JAKMIP2: variants seen among roughly 807,000 people sequenced by gnomAD.
JAKMIP2 encodes the protein janus kinase and microtubule-interacting protein 2.
JAKMIP2 carries 25 observed loss-of-function variants against 115.0 expected under a neutral mutation model. The ratio of observed to expected loss-of-function variants is 0.22; its 90% CI spans 0.16 to 0.30. JAKMIP2 has a LOEUF of 0.30. Among genes scored for constraint, JAKMIP2 ranks in the 10% least tolerant of loss-of-function variants. The probability of loss-of-function intolerance (pLI) is 1.00; values close to 1 mark genes in which losing one functional copy is unlikely to be tolerated. For synonymous variants in JAKMIP2, 334 were observed against 343.6 expected (o/e 0.97, Z 0.31); for missense variants, 642 against 957.6 (o/e 0.67, Z 4.35).
At chr5:147,699,138 G>A (rs1752226601) in intron 1 of JAKMIP2, among the ~76,000 whole-genome samples, 1 of 152,112 alleles carries the variant, frequency 6.6e-6, no homozygotes, top group South Asian at 2.1e-4. Context: ...CATACAGTAG[G>A]AAAAACACTA....
chr5:147,617,506 C>T (rs1194027818), intron 19 of JAKMIP2, among the ~76,000 whole-genome samples: 1 of 152,120 alleles, frequency 6.6e-6, no homozygotes, highest in Admixed American at 6.5e-5. Flanking sequence ...GTGAACGGTC[C>T]TTGCTCTCTT....
rs780489068 is a variant in JAKMIP2, at chr5:147,644,088, C to T, written c.1194G>A (p.Glu398=). Residue 398 remains glutamate (E), a synonymous_variant, in exon 7 of 22, where the codon GAG becomes GAA. Coordinates refer to ENST00000616793, the MANE Select transcript of JAKMIP2 (RefSeq NM_001270941.2). The part of the protein sequence containing the change: ...ETEFLKLQVI[E]QQNIIDELTR... ...TGAGCTCATCAATAATGTTCTGTTGCTCAATGACCTGAAGTTTTAGAAACT... is the reference window on the plus strand; with the variant it reads ...TGAGCTCATCAATAATGTTCTGTTGTTCAATGACCTGAAGTTTTAGAAACT... The T allele has an allele frequency of 3.1e-6, 5 of 1,606,312 alleles. No individual in the cohort carries two copies. The highest frequency in any genetic ancestry group is 4.3e-6 in the Non-Finnish European group (5 of 1,174,730).
In JAKMIP2 at chr5:147,591,012, C is replaced by T. The variant is rs1755076452; in HGVS notation, c.*695G>A. 1 of 152,692 alleles carries T rather than the reference C, an allele frequency of 6.5e-6. No individual in the cohort carries two copies. The highest frequency in any genetic ancestry group is 1.9e-4 in the East Asian group (1 of 5,182). 9.5% of individuals were successfully genotyped at this position (152,692 alleles called of 1,614,324 possible). A position where few individuals can be genotyped will look rare whatever the true frequency, so the allele number is the denominator to read the frequency against. On this transcript the variant is annotated 3_prime_UTR_variant, in exon 22 of 22. Transcript: ENST00000616793. The stretch of plus-strand genomic sequence containing the variant: ...CATCTGTCGTCTGTGGAATGAATTC[C>T]ACAAGCTCCACCTTTTGCAGAAAAA...
intron 1 of JAKMIP2, among the ~76,000 whole-genome samples, chr5:147,744,830 T>C (rs1754291410): frequency 6.6e-6 from 1 of 151,994 alleles, no homozygotes; most frequent in East Asian, 1.9e-4. Flanking sequence ...GAGGCCAAGG[T>C]GGGCAGATCA....
At chr5:147,676,655 A>G (rs1273436643) in intron 1 of JAKMIP2, among the ~76,000 whole-genome samples, 1 of 152,158 alleles carries the variant, frequency 6.6e-6, no homozygotes, top group African/African-American at 2.4e-5. Context: ...CACTATCCCT[A>G]ATCAGGCACC....
intron 1 of JAKMIP2, among the ~76,000 whole-genome samples, chr5:147,764,932 G>GAAAGAAAGAAAGAAAGAAAGAAA (rs1212179194): frequency 5.2e-5 from 4 of 77,628 alleles, no homozygotes; most frequent in African/African-American, 7.8e-5. Flanking sequence ...GAGAGAGAGA[G>GAAAGAAAGAAAGAAAGAAAGAAA]AGAGAGAGAG....
At chr5:147,666,118 CA>C (rs1759286754) in intron 2 of JAKMIP2, among the ~76,000 whole-genome samples, 2 of 152,050 alleles carry the variant, frequency 1.3e-5, no homozygotes, top group Admixed American at 6.5e-5. Context: ...TGAAAACTGA[CA>C]TTTTTTTGCA....
At position 147,591,596 on chromosome 5, in the gene JAKMIP2, A is replaced by T; in HGVS notation, c.*111T>A. ...GCTACAGGGTAGTTCTTAGCTTTTGATCTCCCTCTCACTGGTGTAAACAAT... is the reference window on the plus strand; with the variant it reads ...GCTACAGGGTAGTTCTTAGCTTTTGTTCTCCCTCTCACTGGTGTAAACAAT... On this transcript the variant is annotated 3_prime_UTR_variant, in exon 22 of 22. Transcript: ENST00000616793. The T allele has an allele frequency of 1.7e-6, 2 of 1,160,584 alleles. No individual in the cohort carries two copies. Among genetic ancestry groups the T allele is most frequent in the South Asian group, 1.3e-5 (1 of 76,868 alleles). The allele number at this position is 1,160,584 out of a possible 1,614,324, so 71.9% of individuals were successfully genotyped here.
intron 19 of JAKMIP2, among the ~76,000 whole-genome samples, chr5:147,615,115 G>A (rs1010851881): frequency 3.9e-5 from 6 of 152,196 alleles, no homozygotes; most frequent in African/African-American, 1.2e-4. Flanking sequence ...TGAGATAGAT[G>A]AGAGTAGTGA....
chr5:147,748,179 G>A (rs926366415), intron 1 of JAKMIP2, among the ~76,000 whole-genome samples: 11 of 152,130 alleles, frequency 7.2e-5, no homozygotes, highest in African/African-American at 2.4e-4. Flanking sequence ...TATGAGCTTG[G>A]ATGTTTATTG....
At chr5:147,693,382 A>G (rs1751961233) in intron 1 of JAKMIP2, among the ~76,000 whole-genome samples, 1 of 152,208 alleles carries the variant, frequency 6.6e-6, no homozygotes, top group African/African-American at 2.4e-5. Context: ...CATTTTCACC[A>G]TTAATATTAT....
intron 1 of JAKMIP2, among the ~76,000 whole-genome samples, chr5:147,719,211 T>G (rs1167947749): frequency 2.1e-4 from 27 of 131,076 alleles, no homozygotes; most frequent in South Asian, 5.2e-4. Context: ...TGGTCTGAGA[T>G]ATAGTTTGTT....
Position 147,628,743 on chromosome 5 carries a change from C to T in JAKMIP2, c.1995+8G>A. The T allele has an allele frequency of 1.2e-6, 2 of 1,609,036 alleles. No homozygotes were observed. Among genetic ancestry groups the T allele is most frequent in the African/African-American group, 1.3e-5 (1 of 74,908 alleles). On this transcript the variant is annotated splice_region_variant and intron_variant, in intron 16 of 21. Transcript: ENST00000616793. ...GAGATGATTTGAAATGTTTGTACGGCTCATTACCTTCTCTGCCAGGGACAG... is the reference window on the plus strand; with the variant it reads ...GAGATGATTTGAAATGTTTGTACGGTTCATTACCTTCTCTGCCAGGGACAG...
chr5:147,691,007 T>C (rs1443745180), intron 1 of JAKMIP2, among the ~76,000 whole-genome samples: 1 of 152,064 alleles, frequency 6.6e-6, no homozygotes. Flanking sequence ...CCTCATGGGT[T>C]ATCTCACCCA....
chr5:147,697,941 CCA>C (rs1303997213), intron 1 of JAKMIP2, among the ~76,000 whole-genome samples: 1 of 152,178 alleles, frequency 6.6e-6, no homozygotes, highest in East Asian at 1.9e-4. Flanking sequence ...GAGAAGAGGA[CCA>C]CTGTCCTCCA....
intron 20 of JAKMIP2, 26 bp downstream of exon 20, chr5:147,612,280 A>G (rs762044993): frequency 7.4e-7 from 1 of 1,360,254 alleles, no homozygotes; most frequent in South Asian, 1.2e-5. Flanking sequence ...ACAAATAATA[A>G]GATAGTTATT....
chr5:147,636,900 T>C (rs1757639675), intron 11 of JAKMIP2, 65 bp downstream of exon 11: 2 of 865,534 alleles, frequency 2.3e-6, no homozygotes, highest in Non-Finnish European at 4.0e-6. Flanking sequence ...CATGCACAGG[T>C]GAGCTACAGG....
rs1433952343 is a variant in JAKMIP2, at chr5:147,636,074, C to T, written c.1677+148G>A. ...GATGGTGATGGCGGTGACAGGGATG[C>T]GGTTGAGCACGCAGCCGAGGACAGA... is the stretch of plus-strand genomic sequence containing the variant. On this transcript the variant is annotated intron_variant, in intron 12 of 21. Transcript: ENST00000616793. The T allele has an allele frequency of 8.0e-6, 5 of 627,022 alleles. No individual in the cohort carries two copies. The East Asian group carries it at 8.2e-5, about 10-fold the overall frequency. The allele number at this position is 627,022 out of a possible 1,614,324, so 38.8% of individuals were successfully genotyped here.
chr5:147,629,446 G>A (rs562467169), intron 15 of JAKMIP2, among the ~76,000 whole-genome samples: 3 of 152,162 alleles, frequency 2.0e-5, no homozygotes, highest in East Asian at 1.9e-4. Flanking sequence ...AGATGTGGTC[G>A]ACATTCAAAC....
Sources: allele counts gnomAD v4.1 joint callset (sites outside exome capture counted in the v4.1 genomes callset), GRCh38; gene constraint gnomAD v4.1.1; transcripts MANE v1.5; gene names NCBI Gene and HGNC (gene_info 2026-07-23, HGNC 2026-07-21).